CSDE1: variants seen among roughly 807,000 people sequenced by gnomAD.
The protein encoded by CSDE1 is cold shock domain containing E1.
CSDE1 carries 17 observed loss-of-function variants against 89.3 expected under a neutral mutation model. That is an observed-to-expected ratio of 0.19 (90% CI 0.13 to 0.29). The LOEUF (loss-of-function observed/expected upper bound fraction) is 0.29, where lower values mean the gene tolerates loss of function less well. Among genes scored for constraint, CSDE1 ranks in the 10% least tolerant of loss-of-function variants. CSDE1 has a pLI of 1.00. For missense variants in CSDE1, 672 were observed against 984.2 expected, an observed-to-expected ratio of 0.68 and a Z score of 4.24; for synonymous variants, 322 against 332.8, an observed-to-expected ratio of 0.97 and a Z score of 0.35.
At chr1:114,733,636 T>C (rs1660232169) in intron 9 of CSDE1, 96 bp downstream of exon 9, 6 of 1,113,580 alleles carry the variant, frequency 5.4e-6, no homozygotes, top group South Asian at 3.4e-5. Flanking sequence ...ACTACCACAT[T>C]ATATTAACTG....
rs1208970491 is a variant in CSDE1, at chr1:114,717,718, A to C, written c.*451T>G. The C allele has an allele frequency of 6.4e-6, 1 of 157,446 alleles. No homozygotes were observed. The highest frequency in any genetic ancestry group is 1.9e-4 in the East Asian group (1 of 5,348). The allele number at this position is 157,446 out of a possible 1,614,324, so 9.8% of individuals were successfully genotyped here. A position where few individuals can be genotyped will look rare whatever the true frequency, so the allele number is the denominator to read the frequency against. On this transcript the variant is annotated 3_prime_UTR_variant, in exon 20 of 20. Coordinates refer to ENST00000358528, the MANE Select transcript of CSDE1 (RefSeq NM_001007553.3). ...ATATGGTCCTCAGAATTAAAGCATA[A>C]TGAACAGGAAGAAAAAGGAAAAGAA...
At chr1:114,733,966 A>G (rs200893296) in intron 8 of CSDE1, 23 bp downstream of exon 8, 28 of 1,607,762 alleles carry the variant, frequency 1.7e-5, no homozygotes, top group Non-Finnish European at 2.3e-5. Flanking sequence ...AAGGCCAAAG[A>G]TCAAGTTAAC....
At chr1:114,757,715 T>C (rs1467223337) in intron 1 of CSDE1, among the ~76,000 whole-genome samples, 1 of 152,076 alleles carries the variant, frequency 6.6e-6, no homozygotes, top group Non-Finnish European at 1.5e-5. Context: ...AACTCCTCGT[T>C]TCAGCTCTGC....
chr1:114,742,521 G>A (rs1331050972), intron 2 of CSDE1, among the ~76,000 whole-genome samples: 2 of 152,330 alleles, frequency 1.3e-5, no homozygotes, highest in South Asian at 2.1e-4. Context: ...GGCGGAGGTT[G>A]CAGTGAGCCG....
intron 14 of CSDE1, 91 bp from the exon 15 acceptor site, chr1:114,725,424 T>C (rs1659739783): frequency 1.0e-6 from 1 of 969,682 alleles, no homozygotes; most frequent in Non-Finnish European, 1.7e-6. Context: ...AGTCATGGCA[T>C]GGCATGCTTA....
chr1:114,722,784 G>A (rs1659597221), intron 16 of CSDE1, among the ~76,000 whole-genome samples: 1 of 152,102 alleles, frequency 6.6e-6, no homozygotes, highest in African/African-American at 2.4e-5. Flanking sequence ...CCTTTTTAGG[G>A]GTGTGATGTC....
chr1:114,728,763 T>C (rs936903044), intron 12 of CSDE1, among the ~76,000 whole-genome samples: 1 of 152,238 alleles, frequency 6.6e-6, no homozygotes, highest in Non-Finnish European at 1.5e-5. Context: ...ACAATCATTT[T>C]TGAAATTTAA....
chr1:114,730,191 C>T (rs1660025436), intron 12 of CSDE1, 67 bp downstream of exon 12: 1 of 1,533,898 alleles, frequency 6.5e-7, no homozygotes, highest in East Asian at 2.2e-5. Flanking sequence ...TACTCTATTA[C>T]TATGTGCTGT....
intron 18 of CSDE1, 161 bp from the exon 19 acceptor site, chr1:114,718,906 G>C: frequency 4.1e-6 from 3 of 723,128 alleles, no homozygotes; most frequent in Non-Finnish European, 6.6e-6. Context: ...AGACAAGTTT[G>C]TTTATGTATT....
rs1230299670 is a variant in CSDE1 at position 114,718,219 on chromosome 1, G to GT, written c.2350-4dup. The GT allele has an allele frequency of 6.2e-7, 1 of 1,611,754 alleles. No homozygotes were observed. On this transcript the variant is annotated splice_region_variant and splice_polypyrimidine_tract_variant and intron_variant, in intron 19 of 19. Coordinates refer to ENST00000358528, the MANE Select transcript of CSDE1 (RefSeq NM_001007553.3). The stretch of plus-strand genomic sequence containing the variant: ...ATCTTTCTTTCTGCACCAAACCCCT[G>GT]TGGGGGGGAGAAAAAAAAAACCCTG...
At chr1:114,751,103 GAA>G (rs751354879) in intron 1 of CSDE1, among the ~76,000 whole-genome samples, 81 of 152,228 alleles carry the variant, frequency 5.3e-4, no homozygotes, top group Admixed American at 1.3e-3. Context: ...AGTTTTTGAT[GAA>G]AGTGGTATTA....
chr1:114,748,180 C>T (rs961663164), intron 2 of CSDE1: 3 of 152,132 alleles, frequency 2.0e-5, no homozygotes, highest in Admixed American at 6.5e-5. Context: ...AAGTCCTAAG[C>T]GCTTCTTGAA....
At chr1:114,740,405 A>T (rs1472778150) in intron 2 of CSDE1, among the ~76,000 whole-genome samples, 2 of 152,220 alleles carry the variant, frequency 1.3e-5, no homozygotes, top group African/African-American at 2.4e-5. Context: ...TCTATGCAAT[A>T]CTTAAACTAG....
intron 2 of CSDE1, among the ~76,000 whole-genome samples, chr1:114,742,746 G>C (rs1423036358): frequency 6.6e-6 from 1 of 152,134 alleles, no homozygotes; most frequent in Non-Finnish European, 1.5e-5. Flanking sequence ...ACGAGATATG[G>C]TAAGTATGCC....
chr1:114,732,543 A>G, intron 10 of CSDE1, 61 bp downstream of exon 10: 1 of 1,516,846 alleles, frequency 6.6e-7, no homozygotes, highest in Non-Finnish European at 9.1e-7. Flanking sequence ...AGTAGTATAA[A>G]CTTGAATATA....
intron 1 of CSDE1, among the ~76,000 whole-genome samples, chr1:114,751,284 G>T (rs139398723): frequency 1.3e-5 from 2 of 152,146 alleles, no homozygotes; most frequent in Non-Finnish European, 2.9e-5. Context: ...ATTTTGCACT[G>T]ACTCCAAAGT....
chr1:114,738,634 G>GTAC (rs1276220039), intron 3 of CSDE1, among the ~76,000 whole-genome samples: 1 of 130,372 alleles, frequency 7.7e-6, no homozygotes, highest in Non-Finnish European at 1.6e-5. Context: ...CAGTCCTTTA[G>GTAC]TAAGCCAAAC....
intron 3 of CSDE1, among the ~76,000 whole-genome samples, chr1:114,739,326 C>T (rs1416592531): frequency 6.6e-6 from 1 of 152,188 alleles, no homozygotes; most frequent in Non-Finnish European, 1.5e-5. Context: ...CCACCGCGCC[C>T]AGCTTCTAAG....
chr1:114,739,680 C>G lies in CSDE1; in HGVS notation c.199+12G>C, dbSNP rs760629514. On this transcript the variant is annotated intron_variant, in intron 3 of 19. Transcript: ENST00000358528. ...GTGATTACATTTTTACAAAGGAGAA[C>G]TGACAGATTACCTCCTACTTTTAAG... 4.4e-6 allele frequency: 7 copies of G among 1,591,314 alleles called. No homozygotes were observed. In the African/African-American group the frequency reaches 8.0e-5, roughly 18 times the overall value.
Sources: allele counts gnomAD v4.1 joint callset (sites outside exome capture counted in the v4.1 genomes callset), GRCh38; gene constraint gnomAD v4.1.1; transcripts MANE v1.5; gene names NCBI Gene and HGNC (gene_info 2026-07-23, HGNC 2026-07-21).